Variants in PLAAT3 observed in about 807,000 individuals in gnomAD.
PLAAT3 encodes Ca-independent phospholipase A1/2.
PLAAT3 carries 21 observed loss-of-function variants against 16.7 expected under a neutral mutation model. That is an observed-to-expected ratio of 1.26 (90% CI 0.89 to 1.81). PLAAT3 has a LOEUF of 1.81. Among genes scored for constraint, PLAAT3 ranks in the 40% most tolerant of loss-of-function variants. PLAAT3 has a pLI of 0.00. For synonymous variants in PLAAT3, 76 were observed against 81.7 expected, an observed-to-expected ratio of 0.93 and a Z score of 0.38; for missense variants, 219 against 213.7, an observed-to-expected ratio of 1.02 and a Z score of -0.16.
intron 2 of PLAAT3, among the ~76,000 whole-genome samples, chr11:63,609,106 G>A (rs1202838615): frequency 6.6e-6 from 1 of 152,212 alleles, no homozygotes; most frequent in Non-Finnish European, 1.5e-5. Flanking sequence ...ACCAGGTGGA[G>A]ACACTGTGGA....
intron 2 of PLAAT3, chr11:63,598,688 G>C (rs768488463): frequency 5.4e-5 from 28 of 518,210 alleles, no homozygotes; most frequent in Non-Finnish European, 1.0e-4. Context: ...CCAGTTATGT[G>C]ACTAGAGCTG....
intron 3 of PLAAT3, among the ~76,000 whole-genome samples, chr11:63,594,365 T>G (rs927444717): frequency 6.6e-6 from 1 of 151,318 alleles, no homozygotes; most frequent in Non-Finnish European, 1.5e-5. Flanking sequence ...TTTAGGGAAA[T>G]GAGAGAGGAG....
rs530481243 is a variant in PLAAT3 at position 63,582,400 on chromosome 11, G to A, written c.388-7354C>T. On this transcript the variant is annotated intron_variant, in intron 4 of 4. Transcript: ENST00000415826. Reference sequence around the variant, plus strand: ...AAGAAGGGCCATCTCTGGGATAGACGTGTCCAAGCAAAATAAACAAGAACT... The same window carrying A: ...AAGAAGGGCCATCTCTGGGATAGACATGTCCAAGCAAAATAAACAAGAACT... Among the ~76,000 whole-genome samples, 168 of 152,300 alleles carry A rather than the reference G, an allele frequency of 1.1e-3. 1 individual carries two copies. The highest frequency in any genetic ancestry group is 2.1e-3 in the Non-Finnish European group (142 of 68,030).
chr11:63,613,293 C>G (rs2134437719), intron 2 of PLAAT3, among the ~76,000 whole-genome samples: 1 of 152,038 alleles, frequency 6.6e-6, no homozygotes, highest in East Asian at 1.9e-4. Flanking sequence ...CGCCTGTACT[C>G]CCAGCTACTC....
chr11:63,595,259 C>G (rs1165140765), intron 3 of PLAAT3, among the ~76,000 whole-genome samples: 1 of 147,154 alleles, frequency 6.8e-6, no homozygotes, highest in African/African-American at 2.5e-5. Context: ...CCCCTGCACT[C>G]CAGCCTGGGC....
intron 3 of PLAAT3, among the ~76,000 whole-genome samples, chr11:63,595,239 C>T (rs1278494803): frequency 6.9e-6 from 1 of 144,310 alleles, no homozygotes; most frequent in African/African-American, 2.6e-5. Context: ...TGCAGTGAGC[C>T]AAGATCATGC....
intron 2 of PLAAT3, among the ~76,000 whole-genome samples, chr11:63,607,644 T>A (rs926366020): frequency 6.6e-6 from 1 of 151,824 alleles, no homozygotes; most frequent in Non-Finnish European, 1.5e-5. Context: ...GGTAGAGACA[T>A]AATTTAAACC....
upstream of PLAAT3, among the ~76,000 whole-genome samples, chr11:63,614,851 T>A (rs535266955): frequency 6.7e-5 from 10 of 150,170 alleles, no homozygotes; most frequent in African/African-American, 2.0e-4. Flanking sequence ...CCGTCTCTAC[T>A]AAAAATGCAA....
At chr11:63,614,611 G>A (rs1387013594), upstream of PLAAT3, 2 of 153,956 alleles carry the variant, frequency 1.3e-5, no homozygotes, top group Non-Finnish European at 2.9e-5. Flanking sequence ...GCATCCAGGA[G>A]TCGCACACAC....
At chr11:63,591,024 T>C (rs79364661) in intron 3 of PLAAT3, among the ~76,000 whole-genome samples, 70 of 152,294 alleles carry the variant, frequency 4.6e-4, no homozygotes, top group Non-Finnish European at 9.0e-4. Context: ...AGACTGGGCA[T>C]TCCTCCCAAC....
intron 4 of PLAAT3, among the ~76,000 whole-genome samples, chr11:63,582,572 T>C (rs903863075): frequency 2.0e-5 from 3 of 152,138 alleles, no homozygotes; most frequent in Non-Finnish European, 4.4e-5. Context: ...CTCCCTCCAC[T>C]TCCCTCCCAA....
upstream of PLAAT3, among the ~76,000 whole-genome samples, chr11:63,615,134 ATATGTGTATATGTGTG>A (rs1291224921): frequency 6.7e-3 from 37 of 5,526 alleles, 1 homozygote; most frequent in East Asian, 0.031. Context: ...GTATATATGT[ATATGTGTATATGTGTG>A]TATATATGTG....
At chr11:63,603,727 CACACACACACACACACACACACACACAG>C (rs970958860) in intron 2 of PLAAT3, among the ~76,000 whole-genome samples, 12 of 136,928 alleles carry the variant, frequency 8.8e-5, no homozygotes, top group African/African-American at 2.8e-4. Flanking sequence ...CACACACACA[CACACACACACACACACACACACACACAG>C]ACAGAGATAT....
At chr11:63,591,797 C>T (rs1938160296) in intron 3 of PLAAT3, among the ~76,000 whole-genome samples, 2 of 152,346 alleles carry the variant, frequency 1.3e-5, no homozygotes, top group South Asian at 2.1e-4. Context: ...CTGCGTTTGT[C>T]GGGAGGATGA....
chr11:63,606,572 G>A (rs1938571394), intron 2 of PLAAT3, among the ~76,000 whole-genome samples: 1 of 152,174 alleles, frequency 6.6e-6, no homozygotes, highest in Non-Finnish European at 1.5e-5. Context: ...GGTGGGGTGG[G>A]GGCACGGGGT....
chr11:63,599,108 G>A (rs772347807), intron 2 of PLAAT3, among the ~76,000 whole-genome samples: 2 of 152,122 alleles, frequency 1.3e-5, no homozygotes, highest in South Asian at 4.1e-4. Flanking sequence ...GGGAAGTTCC[G>A]ACTCTCACTA....
At chr11:63,585,927 G>C (rs1202910177) in intron 4 of PLAAT3, among the ~76,000 whole-genome samples, 1 of 152,110 alleles carries the variant, frequency 6.6e-6, no homozygotes, top group Non-Finnish European at 1.5e-5. Context: ...ACTCCAAATA[G>C]CATTTATGGC....
chr11:63,616,458 T>C (rs1027475748), upstream of PLAAT3: 2 of 152,072 alleles, frequency 1.3e-5, no homozygotes, highest in African/African-American at 4.8e-5. Context: ...AATTTTTATT[T>C]TTATTTAAAT....
At chr11:63,591,352 G>A (rs923932009) in intron 3 of PLAAT3, among the ~76,000 whole-genome samples, 2 of 152,134 alleles carry the variant, frequency 1.3e-5, no homozygotes, top group Non-Finnish European at 1.5e-5. Flanking sequence ...GCTGCACTCC[G>A]ACCTGGACAA....
Sources: gnomAD v4.1 joint callset for allele counts (sites outside exome capture counted in the v4.1 genomes callset) on GRCh38, gnomAD v4.1.1 for gene constraint, MANE v1.5 for transcripts, NCBI Gene and HGNC (gene_info 2026-07-23, HGNC 2026-07-21) for gene names.